The following ARID4B variants were observed in gnomAD, a reference collection of about 807,000 sequenced individuals.
The protein encoded by ARID4B is AT-rich interactive domain-containing protein 4B.
ARID4B carries 26 observed loss-of-function variants against 147.5 expected under a neutral mutation model. The ratio of observed to expected loss-of-function variants is 0.18; its 90% CI spans 0.13 to 0.24. ARID4B has a LOEUF of 0.24. Ranked by LOEUF, ARID4B falls within the 10% of genes least tolerant of loss-of-function variation. The pLI, the probability that ARID4B is intolerant of heterozygous loss-of-function variation, is 1.00. For synonymous variants in ARID4B, 512 were observed against 507.9 expected, an observed-to-expected ratio of 1.01 and a Z score of -0.11; for missense variants, 1,179 against 1,511.5, an observed-to-expected ratio of 0.78 and a Z score of 3.65.
intron 2 of ARID4B, among the ~76,000 whole-genome samples, chr1:235,270,566 T>A (rs1209484067): frequency 6.6e-6 from 1 of 152,226 alleles, no homozygotes; most frequent in Non-Finnish European, 1.5e-5. Flanking sequence ...TGCATATTCC[T>A]GGAAATTTAA....
chr1:235,234,180 G>T (rs1040240393), intron 9 of ARID4B, among the ~76,000 whole-genome samples: 3 of 152,192 alleles, frequency 2.0e-5, no homozygotes, highest in Admixed American at 2.0e-4. Context: ...AAATTAGACA[G>T]TACTGAGTGT....
intron 17 of ARID4B, among the ~76,000 whole-genome samples, chr1:235,203,428 A>G (rs1666086292): frequency 6.6e-6 from 1 of 152,224 alleles, no homozygotes; most frequent in Non-Finnish European, 1.5e-5. Context: ...TAAGAGATTT[A>G]AAAATAAACA....
At chr1:235,181,507 C>T in intron 20 of ARID4B, 78 bp downstream of exon 20, 1 of 1,513,340 alleles carries the variant, frequency 6.6e-7, no homozygotes, top group African/African-American at 1.4e-5. Context: ...CAGGTTATAA[C>T]AAGAGATACT....
intron 2 of ARID4B, among the ~76,000 whole-genome samples, chr1:235,320,124 TAA>T (rs369901272): frequency 7.4e-6 from 1 of 135,516 alleles, no homozygotes. Context: ...AAACTCCGTC[TAA>T]AAAAAAAAAA....
intron 17 of ARID4B, among the ~76,000 whole-genome samples, chr1:235,199,238 C>T (rs1156525744): frequency 1.3e-5 from 2 of 152,122 alleles, no homozygotes; most frequent in Non-Finnish European, 2.9e-5. Flanking sequence ...ATAGATCTAA[C>T]TTAACAGATC....
rs576891940 is a variant in ARID4B at position 235,238,519 on chromosome 1, A to G, written c.585+1794T>C. On this transcript the variant is annotated intron_variant, in intron 8 of 23. Coordinates refer to ENST00000264183, the MANE Select transcript of ARID4B (RefSeq NM_016374.6). Reference sequence around the variant, plus strand: ...GTCTTTTGTTTATCAGCGGATCTTCAGTTTATAGCTTATTAAATATGAAGT... The same window carrying G: ...GTCTTTTGTTTATCAGCGGATCTTCGGTTTATAGCTTATTAAATATGAAGT... Among the ~76,000 whole-genome samples, 85 of 152,276 alleles carry G rather than the reference A, an allele frequency of 5.6e-4. 1 individual carries two copies. Among genetic ancestry groups the G allele is most frequent in the African/African-American group, 2.0e-3 (84 of 41,560 alleles).
Position 235,177,819 on chromosome 1 carries a change from G to A in ARID4B, c.3429C>T (p.Asn1143=), listed in dbSNP as rs772212734. ...ACTTACTGCCTTTTCCCTTCTTTTT[G>A]TTGTTTACCACTGTTGCTTTATGGC... The part of the protein sequence containing the change: ...KRSHKATVVN[N]KKKGKGTNSS... The change falls in exon 21 of 24, where the codon AAC becomes AAT. Residue 1143 remains asparagine (N), a synonymous_variant. Coordinates refer to ENST00000264183, the MANE Select transcript of ARID4B (RefSeq NM_016374.6). 40 of 1,607,336 alleles carry A rather than the reference G, an allele frequency of 2.5e-5. No individual in the cohort carries two copies. The African/African-American group carries it at 4.8e-4, about 19-fold the overall frequency.
intron 6 of ARID4B, among the ~76,000 whole-genome samples, chr1:235,251,986 TGG>T (rs1440881793): frequency 1.2e-4 from 19 of 152,324 alleles, no homozygotes; most frequent in African/African-American, 4.3e-4. Flanking sequence ...ATCTGAAAGT[TGG>T]GGATAATAAT....
chr1:235,236,190 CAA>C lies in ARID4B; in HGVS notation c.586-1700_586-1699del, dbSNP rs1233354572. On this transcript the variant is annotated intron_variant, in intron 8 of 23. Coordinates refer to ENST00000264183, the MANE Select transcript of ARID4B (RefSeq NM_016374.6). ...ACAAATACTATTTGTGCGATTATAT[CAA>C]GATTGGTCGATTTAGAACATAATTT... 7.2e-5 allele frequency among the ~76,000 whole-genome samples: 11 copies of C among 152,168 alleles called. No homozygotes were observed. In the East Asian group the frequency reaches 2.1e-3, roughly 29 times the overall value.
In ARID4B at chr1:235,224,731, C is replaced by T; in HGVS notation, c.942G>A (p.Gln314=). The T allele has an allele frequency of 6.3e-7, 1 of 1,598,546 alleles. No individual in the cohort carries two copies. Among genetic ancestry groups the T allele is most frequent in the Non-Finnish European group, 8.6e-7 (1 of 1,168,254 alleles). Residue 314 remains glutamine (Q), a synonymous_variant, in exon 12 of 24, where the codon CAG becomes CAA. Transcript: ENST00000264183. The part of the protein sequence containing the change: ...PFPEERENFL[Q]QLYKFMEDRG... ...TATCTTCCATAAATTTGTACAATTG[C>T]TGAAGAAAGTTCTCCCTTTCTTCTG...
chr1:235,173,452 T>G (rs758568107), intron 22 of ARID4B, among the ~76,000 whole-genome samples: 1 of 152,108 alleles, frequency 6.6e-6, no homozygotes, highest in Non-Finnish European at 1.5e-5. Flanking sequence ...AATTTTTCTC[T>G]TCTGTTCTCT....
At chr1:235,322,397 T>C (rs1674904193) in intron 2 of ARID4B, among the ~76,000 whole-genome samples, 1 of 152,194 alleles carries the variant, frequency 6.6e-6, no homozygotes, top group African/African-American at 2.4e-5. Flanking sequence ...TATCATGCTT[T>C]AAGTTAATTC....
chr1:235,228,135 C>T (rs1251941810), intron 11 of ARID4B, among the ~76,000 whole-genome samples: 1 of 151,772 alleles, frequency 6.6e-6, no homozygotes. Flanking sequence ...CCACAGTACC[C>T]GGCCTGATTT....
intron 3 of ARID4B, 112 bp downstream of exon 3, chr1:235,260,530 A>G (rs1336489936): frequency 3.0e-6 from 2 of 663,724 alleles, no homozygotes. Flanking sequence ...TATTTTTACA[A>G]CCTTCACTCC....
chr1:235,261,502 CCA>C (rs1670293086), intron 2 of ARID4B, among the ~76,000 whole-genome samples: 1 of 151,990 alleles, frequency 6.6e-6, no homozygotes, highest in Admixed American at 6.6e-5. Flanking sequence ...CTAGCCTGGG[CCA>C]CAGAGTAAGA....
At chr1:235,179,525 CAAAAAAAAAAAAAAAA>C (rs61143006) in intron 20 of ARID4B, among the ~76,000 whole-genome samples, 27 of 48,368 alleles carry the variant, frequency 5.6e-4, no homozygotes, top group East Asian at 1.4e-3. Context: ...CTCTATGTCT[CAAAAAAAAAAAAAAAA>C]AAAAAAAAAA....
At chr1:235,250,397 C>A (rs1033461926) in intron 6 of ARID4B, among the ~76,000 whole-genome samples, 1 of 152,134 alleles carries the variant, frequency 6.6e-6, no homozygotes, top group East Asian at 1.9e-4. Flanking sequence ...AAAGAACATA[C>A]AGATGGTAGA....
At chr1:235,177,752 T>G (rs776899033) in intron 21 of ARID4B, 48 bp downstream of exon 21, 1 of 1,289,260 alleles carries the variant, frequency 7.8e-7, no homozygotes, top group Admixed American at 1.9e-5. Context: ...GGGGTAAAAT[T>G]ATCAGCTATT....
At chr1:235,234,271 G>GT in intron 9 of ARID4B, 142 bp downstream of exon 9, 1 of 603,178 alleles carries the variant, frequency 1.7e-6, no homozygotes. Context: ...ATGAAAAACA[G>GT]TGACTCTTTG....
Sources: allele counts gnomAD v4.1 joint callset (sites outside exome capture counted in the v4.1 genomes callset), GRCh38; gene constraint gnomAD v4.1.1; transcripts MANE v1.5; gene names NCBI Gene and HGNC (gene_info 2026-07-23, HGNC 2026-07-21).